The following TYR variants were observed in gnomAD, a reference collection of about 807,000 sequenced individuals.
The protein encoded by TYR is LB24-AB.
TYR carries 58 observed loss-of-function variants against 51.5 expected under a neutral mutation model. The ratio of observed to expected loss-of-function variants is 1.13; its 90% CI spans 0.91 to 1.40. TYR has a LOEUF of 1.40. Ranked by LOEUF, TYR falls within the 40% of genes most tolerant of loss-of-function variation. TYR has a pLI of 0.00. For missense variants in TYR, 732 were observed against 647.4 expected, an observed-to-expected ratio of 1.13 and a Z score of -1.42; for synonymous variants, 263 against 235.2, an observed-to-expected ratio of 1.12 and a Z score of -1.08.
At chr11:89,249,880 A>G (rs1944311756) in intron 3 of TYR, among the ~76,000 whole-genome samples, 1 of 152,030 alleles carries the variant, frequency 6.6e-6, no homozygotes, top group Non-Finnish European at 1.5e-5. Context: ...AGCCCAATGG[A>G]GAGAGGAGCC....
intron 2 of TYR, among the ~76,000 whole-genome samples, chr11:89,213,394 C>T (rs1367498922): frequency 1.3e-5 from 2 of 151,950 alleles, no homozygotes; most frequent in East Asian, 3.9e-4. Context: ...TGTTAAGGAC[C>T]TCTTCAAAGA....
chr11:89,204,657 C>T, intron 2 of TYR, among the ~76,000 whole-genome samples: 1 of 152,016 alleles, frequency 6.6e-6, no homozygotes, highest in Non-Finnish European at 1.5e-5. Flanking sequence ...TTTGGCCTCC[C>T]AAAGTACTGG....
intron 3 of TYR, among the ~76,000 whole-genome samples, chr11:89,263,713 A>T (rs1171861459): frequency 6.6e-6 from 1 of 152,104 alleles, no homozygotes; most frequent in Non-Finnish European, 1.5e-5. Context: ...ACAAACTGAA[A>T]AGGAAATTAA....
intron 1 of TYR, among the ~76,000 whole-genome samples, chr11:89,189,826 G>A (rs1041248075): frequency 6.6e-6 from 1 of 152,008 alleles, no homozygotes; most frequent in Non-Finnish European, 1.5e-5. Context: ...TAACTTTTAT[G>A]GCTCATTCTG....
Position 89,295,445 on chromosome 11 carries a change from T to A in TYR, c.*79T>A, listed in dbSNP as rs1944898363. ...GTAATGTCCAGGTTCCCAGAGAATA[T>A]CTGCTGGTATTTTTCTGTAAAGACC... is the stretch of plus-strand genomic sequence containing the variant. On this transcript the variant is annotated 3_prime_UTR_variant, in exon 5 of 5. Transcript: ENST00000263321. The A allele has an allele frequency of 1.3e-6, 2 of 1,545,778 alleles. No individual in the cohort carries two copies. The highest frequency in any genetic ancestry group is 2.0e-4 in the Middle Eastern group (1 of 4,908).
At chr11:89,215,020 T>C (rs747387351) in intron 2 of TYR, among the ~76,000 whole-genome samples, 59 of 152,144 alleles carry the variant, frequency 3.9e-4, no homozygotes, top group Non-Finnish European at 8.4e-4. Flanking sequence ...TGTAAAAATA[T>C]ATATGTAACA....
intron 2 of TYR, among the ~76,000 whole-genome samples, chr11:89,196,732 C>G (rs562979219): frequency 6.6e-6 from 1 of 152,230 alleles, no homozygotes; most frequent in South Asian, 2.1e-4. Flanking sequence ...TATATTCAGT[C>G]CGACATCCCA....
In TYR at chr11:89,178,677, G is replaced by A; in HGVS notation, c.724G>A (p.Glu242Lys). 1 of 1,613,828 alleles carries A rather than the reference G, an allele frequency of 6.2e-7. No homozygotes were observed. Among genetic ancestry groups the A allele is most frequent in the Admixed American group, 1.7e-5 (1 of 60,014 alleles). ...TCCATATTGGGACTGGCGGGATGCA[G>A]AAAAGTGTGACATTTGCACAGATGA... is the stretch of plus-strand genomic sequence containing the variant. Reference protein sequence around the residue: ...TIPYWDWRDAEKCDICTDEYM... With the variant: ...TIPYWDWRDAKKCDICTDEYM... Residue 242 changes from glutamate to lysine, a missense_variant, in exon 1 of 5, where the codon GAA becomes AAA. By Grantham distance (56) the Glu-to-Lys change is moderately conservative. Transcript: ENST00000263321.
chr11:89,229,001 A>G (rs929327982), intron 3 of TYR, among the ~76,000 whole-genome samples: 1 of 152,024 alleles, frequency 6.6e-6, no homozygotes, highest in Non-Finnish European at 1.5e-5. Context: ...TATACCTGCC[A>G]TTAAGATAAT....
At chr11:89,211,173 G>GCCCCAATTAAAA (rs1213229295) in intron 2 of TYR, among the ~76,000 whole-genome samples, 1 of 152,016 alleles carries the variant, frequency 6.6e-6, no homozygotes, top group African/African-American at 2.4e-5. Context: ...CTGGCAAATT[G>GCCCCAATTAAAA]GATAGTCAAG....
At position 89,227,844 on chromosome 11, in the gene TYR, G is replaced by A. The variant is rs1415792453; in HGVS notation, c.1058G>A (p.Gly353Glu). 1 of 1,612,792 alleles carries A rather than the reference G, an allele frequency of 6.2e-7. No homozygotes were observed. The highest frequency in any genetic ancestry group is 1.7e-5 in the Admixed American group (1 of 59,872). ...ACAGGATTTGCTAGTCCACTTACTG[G>A]GATAGCGGATGCCTCTCAAAGCAGC... The part of the protein sequence containing the change: ...TLEGFASPLT[G>E]IADASQSSMH... Residue 353 changes from glycine to glutamate, a missense_variant, in exon 3 of 5, where the codon GGG (glycine) becomes GAG (glutamate). By Grantham distance (98) the Gly-to-Glu change is moderately conservative. Coordinates refer to ENST00000263321, the MANE Select transcript of TYR (RefSeq NM_000372.5).
rs1317664427 is a variant in TYR at position 89,178,440 on chromosome 11, T to A, written c.487T>A (p.Ser163Thr). The A allele has an allele frequency of 5.6e-6, 9 of 1,614,148 alleles. No individual in the cohort carries two copies. Among genetic ancestry groups the A allele is most frequent in the East Asian group, 4.5e-5 (2 of 44,874 alleles). ...GACCTATGGCCAAATGAAAAATGGA[T>A]CAACACCCATGTTTAACGACATCAA... ...IGTYGQMKNG[S>T]TPMFNDINIY... Residue 163 changes from serine (S) to threonine (T), a missense_variant, in exon 1 of 5, where the codon TCA becomes ACA. Coordinates refer to ENST00000263321, the MANE Select transcript of TYR (RefSeq NM_000372.5).
intron 3 of TYR, among the ~76,000 whole-genome samples, chr11:89,256,367 T>TA (rs1001027678): frequency 3.3e-5 from 5 of 151,548 alleles, no homozygotes; most frequent in Non-Finnish European, 4.4e-5. Context: ...AACTTTGTAT[T>TA]AAAAAAAATC....
intron 4 of TYR, among the ~76,000 whole-genome samples, chr11:89,288,199 T>A (rs1206864591): frequency 1.3e-5 from 2 of 151,958 alleles, no homozygotes; most frequent in African/African-American, 4.8e-5. Flanking sequence ...CATCAGCATA[T>A]AAATTATTGA....
chr11:89,191,651 T>G lies in TYR; in HGVS notation c.1036+233T>G, dbSNP rs150945908. 1.1e-3 allele frequency among the ~76,000 whole-genome samples: 171 copies of G among 152,220 alleles called. 1 individual carries two copies. The highest frequency in any genetic ancestry group is 4.0e-3 in the African/African-American group (168 of 41,568). ...GCTCATGCCTGTAATCCCAGTTTAC[T>G]TGGGAGGCTGTGACAGGTGGATCAC... On this transcript the variant is annotated intron_variant, in intron 2 of 4. Transcript: ENST00000263321.
chr11:89,177,913 A>T lies in TYR; in HGVS notation c.-41A>T. Reference sequence around the variant, plus strand: ...CTGGAAAGAGAAATCTGTGACTCCAATTAGCCAGTTCCTGCAGACCTTGTG... The same window carrying T: ...CTGGAAAGAGAAATCTGTGACTCCATTTAGCCAGTTCCTGCAGACCTTGTG... On this transcript the variant is annotated 5_prime_UTR_variant, in exon 1 of 5. Transcript: ENST00000263321. The T allele has an allele frequency of 6.2e-7, 1 of 1,602,332 alleles. No individual in the cohort carries two copies. Among genetic ancestry groups the T allele is most frequent in the Non-Finnish European group, 8.5e-7 (1 of 1,170,834 alleles).
intron 3 of TYR, among the ~76,000 whole-genome samples, chr11:89,263,066 G>C (rs1944481800): frequency 6.6e-6 from 1 of 151,472 alleles, no homozygotes; most frequent in South Asian, 2.1e-4. Context: ...GAAAACTACA[G>C]AACAATAACA....
At chr11:89,206,881 G>T (rs1013453699) in intron 2 of TYR, among the ~76,000 whole-genome samples, 3 of 151,844 alleles carry the variant, frequency 2.0e-5, no homozygotes, top group Admixed American at 6.6e-5. Flanking sequence ...ATAACCCAAG[G>T]AGTAAAGAGA....
At chr11:89,187,788 G>A (rs148974325) in intron 1 of TYR, among the ~76,000 whole-genome samples, 281 of 152,050 alleles carry the variant, frequency 1.8e-3, no homozygotes, top group Middle Eastern at 6.8e-3. Context: ...GTTTTCAAAT[G>A]TCTTTGTGTC....
Sources: allele counts gnomAD v4.1 joint callset (sites outside exome capture counted in the v4.1 genomes callset), GRCh38; gene constraint gnomAD v4.1.1; transcripts MANE v1.5; gene names NCBI Gene and HGNC (gene_info 2026-07-23, HGNC 2026-07-21).